Variants in PADI1 observed in about 807,000 individuals in gnomAD.
PADI1 encodes peptidyl arginine deiminase 1, also known as protein-arginine deiminase type-1.
In PADI1, 65 loss-of-function variants were observed where a neutral mutation model predicts 74.8. That is an observed-to-expected ratio of 0.87 (90% CI 0.71 to 1.07). PADI1 has a LOEUF of 1.07. Ranked by LOEUF, PADI1 falls within the 50% of genes least tolerant of loss-of-function variation. The pLI is 0.00. For synonymous variants in PADI1, 371 were observed against 336.2 expected, an observed-to-expected ratio of 1.10 and a Z score of -1.13; for missense variants, 943 against 854.0, an observed-to-expected ratio of 1.10 and a Z score of -1.30.
intron 1 of PADI1, among the ~76,000 whole-genome samples, chr1:17,221,238 T>C (rs2072140048): frequency 3.3e-5 from 5 of 152,142 alleles, no homozygotes; most frequent in Admixed American, 3.3e-4. Context: ...ACGTGTTTAT[T>C]GGGCACCTAC....
chr1:17,228,565 C>T, intron 6 of PADI1, 60 bp from the exon 7 acceptor site: 3 of 1,577,568 alleles, frequency 1.9e-6, no homozygotes, highest in Non-Finnish European at 2.6e-6. Flanking sequence ...TCCTGGATTC[C>T]TGGGCTTGCA....
rs764709222 is a variant in PADI1, at chr1:17,243,994, C to T, written c.1759-16C>T. ...TATAGCCAGACAGCCTCCCTCTTGC[C>T]TTTTCTCTTTTGCAGGTTAACATGG... On this transcript the variant is annotated splice_polypyrimidine_tract_variant and intron_variant, in intron 15 of 15. Transcript: ENST00000375471. 3.2e-6 allele frequency: 5 copies of T among 1,586,694 alleles called. No homozygotes were observed. Among genetic ancestry groups the T allele is most frequent in the Non-Finnish European group, 4.3e-6 (5 of 1,156,458 alleles).
At chr1:17,229,618 T>C (rs985439000) in intron 8 of PADI1, among the ~76,000 whole-genome samples, 3 of 152,180 alleles carry the variant, frequency 2.0e-5, no homozygotes, top group Non-Finnish European at 4.4e-5. Flanking sequence ...GTTAAAAGGC[T>C]GGGAAGGGTG....
At chr1:17,241,949 T>C (rs1430347475) in intron 15 of PADI1, among the ~76,000 whole-genome samples, 1 of 152,106 alleles carries the variant, frequency 6.6e-6, no homozygotes, top group African/African-American at 2.4e-5. Context: ...GGAATCGGCA[T>C]GGAATCAGGG....
At chr1:17,217,374 C>T (rs980230147) in intron 1 of PADI1, among the ~76,000 whole-genome samples, 6 of 152,012 alleles carry the variant, frequency 3.9e-5, no homozygotes, top group African/African-American at 9.7e-5. Flanking sequence ...TAGAAATGTA[C>T]GATTATTTCC....
chr1:17,230,422 G>C, intron 9 of PADI1, 150 bp from the exon 10 acceptor site: 1 of 720,542 alleles, frequency 1.4e-6, no homozygotes, highest in Non-Finnish European at 2.3e-6. Flanking sequence ...CCTGGCTGGG[G>C]TCCTAAGAGG....
intron 7 of PADI1, 50 bp downstream of exon 7, chr1:17,228,847 C>T (rs2072401361): frequency 1.2e-6 from 2 of 1,605,104 alleles, no homozygotes; most frequent in Non-Finnish European, 1.7e-6. Flanking sequence ...GTTTGGGGGC[C>T]CAGTTTGCAG....
intron 1 of PADI1, among the ~76,000 whole-genome samples, chr1:17,213,087 A>G (rs2071876338): frequency 1.3e-5 from 2 of 152,232 alleles, no homozygotes; most frequent in East Asian, 1.9e-4. Context: ...TCATTTTAAT[A>G]CCAGCCAGGA....
Position 17,238,604 on chromosome 1 carries a change from C to T in PADI1, c.1459-12C>T, listed in dbSNP as rs1055354160. 4 of 1,454,862 alleles carry T rather than the reference C, an allele frequency of 2.7e-6. No individual in the cohort carries two copies. In the Middle Eastern group the frequency reaches 5.4e-4, roughly 196 times the overall value. The allele number at this position is 1,454,862 out of a possible 1,614,324, so 90.1% of individuals were successfully genotyped here. A position where few individuals can be genotyped will look rare whatever the true frequency, so the allele number is the denominator to read the frequency against. On this transcript the variant is annotated splice_polypyrimidine_tract_variant and intron_variant, in intron 12 of 15. Coordinates refer to ENST00000375471, the MANE Select transcript of PADI1 (RefSeq NM_013358.3). ...CCTGTCCACTGAGCCATTCTCCCTC[C>T]CTCCGTGCCAGGGCTTCCGGCTGCT...
At position 17,244,514 on chromosome 1, in the gene PADI1, T is replaced by C; in HGVS notation, c.*271T>C. ...AGGCTCTAGATCAACAATGTTAGCATGTTCCAGAATGGCTGTGGGAGGCCT... is the reference window on the plus strand; with the variant it reads ...AGGCTCTAGATCAACAATGTTAGCACGTTCCAGAATGGCTGTGGGAGGCCT... On this transcript the variant is annotated 3_prime_UTR_variant, in exon 16 of 16. Transcript: ENST00000375471. 1.8e-6 allele frequency: 1 copy of C among 550,540 alleles called. No homozygotes were observed. The highest frequency in any genetic ancestry group is 4.2e-5 in the East Asian group (1 of 23,552). 34.1% of individuals were successfully genotyped at this position (550,540 alleles called of 1,614,324 possible). A position where few individuals can be genotyped will look rare whatever the true frequency, so the allele number is the denominator to read the frequency against.
chr1:17,239,628 G>T, intron 13 of PADI1, 76 bp from the exon 14 acceptor site: 1 of 1,121,488 alleles, frequency 8.9e-7, no homozygotes, highest in Non-Finnish European at 1.4e-6. Flanking sequence ...TCCTGGCCTG[G>T]ATTATGTAGC....
At chr1:17,217,954 T>C (rs1462320428) in intron 1 of PADI1, among the ~76,000 whole-genome samples, 1 of 152,266 alleles carries the variant, frequency 6.6e-6, no homozygotes, top group Non-Finnish European at 1.5e-5. Context: ...CAGGATTATC[T>C]GATTCAGCAA....
At chr1:17,241,051 T>G (rs922802999) in intron 15 of PADI1, among the ~76,000 whole-genome samples, 8 of 149,906 alleles carry the variant, frequency 5.3e-5, no homozygotes, top group Admixed American at 4.6e-4. Flanking sequence ...CACAAAGCAC[T>G]TTTTTTTTTC....
intron 1 of PADI1, 98 bp from the exon 2 acceptor site, chr1:17,222,192 T>G: frequency 1.2e-6 from 1 of 826,586 alleles, no homozygotes; most frequent in South Asian, 1.6e-5. Flanking sequence ...GGGTGCCATT[T>G]GAACGGCCTG....
chr1:17,240,872 C>A, intron 15 of PADI1, 112 bp downstream of exon 15: 1 of 1,187,188 alleles, frequency 8.4e-7, no homozygotes, highest in Non-Finnish European at 1.2e-6. Context: ...CGGACCTCTC[C>A]AGTGTCTGTT....
intron 3 of PADI1, 90 bp downstream of exon 3, chr1:17,223,783 A>T: frequency 9.5e-7 from 1 of 1,056,826 alleles, no homozygotes; most frequent in Non-Finnish European, 1.4e-6. Flanking sequence ...GGAGTGGAAG[A>T]CCCATGGCCA....
At chr1:17,224,269 G>T in intron 3 of PADI1, 98 bp from the exon 4 acceptor site, 1 of 981,860 alleles carries the variant, frequency 1.0e-6, no homozygotes, top group South Asian at 1.4e-5. Context: ...CAGTCCTCAC[G>T]GGCTTGGGGA....
At chr1:17,228,328 AT>A (rs1288855940) in intron 6 of PADI1, among the ~76,000 whole-genome samples, 2 of 152,208 alleles carry the variant, frequency 1.3e-5, no homozygotes, top group East Asian at 3.8e-4. Context: ...AATATATTAC[AT>A]TTTGCATATC....
At chr1:17,243,128 G>A (rs773415817) in intron 15 of PADI1, among the ~76,000 whole-genome samples, 4 of 152,164 alleles carry the variant, frequency 2.6e-5, no homozygotes, top group African/African-American at 9.7e-5. Context: ...GAGAAGGTCC[G>A]GAGTCCCCTT....
Sources: gnomAD v4.1 joint callset for allele counts (sites outside exome capture counted in the v4.1 genomes callset) on GRCh38, gnomAD v4.1.1 for gene constraint, MANE v1.5 for transcripts, NCBI Gene and HGNC (gene_info 2026-07-23, HGNC 2026-07-21) for gene names.